The following MAPK10 variants were observed in gnomAD, a reference collection of about 807,000 sequenced individuals.
The protein encoded by MAPK10 is JNK3 alpha protein kinase.
In MAPK10, 25 loss-of-function variants were observed where a neutral mutation model predicts 59.3. The observed-to-expected ratio is 0.42, with a 90% CI of 0.31 to 0.59. MAPK10 has a LOEUF of 0.59. Among genes scored for constraint, MAPK10 ranks in the 20% least tolerant of loss-of-function variants. The pLI is 0.15. For missense variants in MAPK10, 351 were observed against 568.9 expected (o/e 0.62, Z 3.90); for synonymous variants, 190 against 200.5 (o/e 0.95, Z 0.44).
At chr4:86,101,795 T>C in intron 7 of MAPK10, 99 bp downstream of exon 7, 1 of 1,171,688 alleles carries the variant, frequency 8.5e-7, no homozygotes. Context: ...TGAGGAAGTA[T>C]ATTATATTTG....
chr4:86,251,999 C>G (rs1387535385), intron 2 of MAPK10, among the ~76,000 whole-genome samples: 1 of 116,616 alleles, frequency 8.6e-6, no homozygotes, highest in Non-Finnish European at 1.6e-5. Flanking sequence ...TGTTCATGTC[C>G]TTCACCCACT....
intron 10 of MAPK10, among the ~76,000 whole-genome samples, chr4:86,066,488 G>C (rs2046756310): frequency 6.6e-6 from 1 of 152,058 alleles, no homozygotes; most frequent in Admixed American, 6.6e-5. Flanking sequence ...GGTTAGCCGG[G>C]CGTGGTCGTG....
At chr4:86,115,389 G>C (rs1204436027) in intron 4 of MAPK10, among the ~76,000 whole-genome samples, 1 of 152,078 alleles carries the variant, frequency 6.6e-6, no homozygotes, top group Admixed American at 6.5e-5. Context: ...CCCAGTGAGA[G>C]AACCTGGATA....
At chr4:86,304,905 G>A (rs982006402) in intron 2 of MAPK10, among the ~76,000 whole-genome samples, 1 of 152,022 alleles carries the variant, frequency 6.6e-6, no homozygotes, top group South Asian at 2.1e-4. Context: ...TTTCACTCAA[G>A]GGCATATCTG....
chr4:86,474,784 A>T (rs1350495460), intron 1 of MAPK10, among the ~76,000 whole-genome samples: 1 of 152,220 alleles, frequency 6.6e-6, no homozygotes, highest in African/African-American at 2.4e-5. Context: ...CAGGCCTCTG[A>T]GCCCAAGCTA....
rs113187619 is a variant in MAPK10, at chr4:86,243,424, C to G, written c.-6-49017G>C. Among the ~76,000 whole-genome samples, 391 of 152,254 alleles carry G rather than the reference C, an allele frequency of 2.6e-3. 3 individuals carry two copies. Among genetic ancestry groups the G allele is most frequent in the African/African-American group, 8.7e-3 (363 of 41,558 alleles). ...CTTCACTGGTCAAAACCGCAAATGGCTTCAGTCTCATTCTGAGTGAAATCC... is the reference window on the plus strand; with the variant it reads ...CTTCACTGGTCAAAACCGCAAATGGGTTCAGTCTCATTCTGAGTGAAATCC... On this transcript the variant is annotated intron_variant, in intron 2 of 13. Coordinates refer to ENST00000641462, the MANE Select transcript of MAPK10 (RefSeq NM_138982.4).
At chr4:86,323,377 A>T (rs1246653489) in intron 2 of MAPK10, among the ~76,000 whole-genome samples, 1 of 152,188 alleles carries the variant, frequency 6.6e-6, no homozygotes, top group Admixed American at 6.5e-5. Context: ...CACAAATCTG[A>T]CATCAATTAG....
intron 1 of MAPK10, among the ~76,000 whole-genome samples, chr4:86,474,252 T>C (rs886800081): frequency 1.3e-5 from 2 of 152,340 alleles, no homozygotes; most frequent in South Asian, 4.1e-4. Context: ...ATTATTTTTA[T>C]GGTTAATATG....
At chr4:86,563,185 T>A (rs1211835705) in intron 1 of MAPK10, among the ~76,000 whole-genome samples, 1 of 152,216 alleles carries the variant, frequency 6.6e-6, no homozygotes, top group East Asian at 1.9e-4. Flanking sequence ...TAGGTAGAGA[T>A]AAAAGTCATG....
At chr4:86,075,876 G>A (rs931003280) in intron 9 of MAPK10, among the ~76,000 whole-genome samples, 11 of 152,216 alleles carry the variant, frequency 7.2e-5, no homozygotes, top group African/African-American at 2.4e-4. Context: ...CCAGAGGTGG[G>A]GCCTACAGTG....
intron 1 of MAPK10, among the ~76,000 whole-genome samples, chr4:86,472,631 G>A (rs753036692): frequency 3.3e-5 from 5 of 151,990 alleles, no homozygotes; most frequent in African/African-American, 4.8e-5. Flanking sequence ...GCAACAGAGT[G>A]AGAAGCAAGA....
chr4:86,304,820 T>G (rs1340198753), intron 2 of MAPK10, among the ~76,000 whole-genome samples: 1 of 152,252 alleles, frequency 6.6e-6, no homozygotes, highest in African/African-American at 2.4e-5. Context: ...TATCTCATGA[T>G]GTACTTAACA....
At chr4:86,484,877 A>G (rs1435178774) in intron 1 of MAPK10, among the ~76,000 whole-genome samples, 1 of 152,212 alleles carries the variant, frequency 6.6e-6, no homozygotes, top group Non-Finnish European at 1.5e-5. Flanking sequence ...TCTCTTGTGT[A>G]CTACAGAGAA....
intron 1 of MAPK10, among the ~76,000 whole-genome samples, chr4:86,503,985 C>T (rs929707014): frequency 3.9e-5 from 6 of 152,076 alleles, no homozygotes; most frequent in Non-Finnish European, 7.4e-5. Flanking sequence ...ACAGGGCCCT[C>T]CCTAATTCAT....
chr4:86,125,732 A>C (rs1312850618), intron 4 of MAPK10: 1 of 152,164 alleles, frequency 6.6e-6, no homozygotes, highest in Non-Finnish European at 1.5e-5. Flanking sequence ...GGCAACTTGG[A>C]TGAGCATCAG....
At chr4:86,374,762 T>C (rs1177891325) in intron 1 of MAPK10, among the ~76,000 whole-genome samples, 3 of 152,116 alleles carry the variant, frequency 2.0e-5, no homozygotes, top group Non-Finnish European at 1.5e-5. Context: ...AAATTCTGAG[T>C]TTCTTCAAAT....
chr4:86,016,158 C>A lies in MAPK10; in HGVS notation c.*1070G>T, dbSNP rs1743229844. The A allele has an allele frequency of 6.6e-6, 1 of 152,172 alleles. No homozygotes were observed. Among genetic ancestry groups the A allele is most frequent in the Non-Finnish European group, 1.5e-5 (1 of 68,046 alleles). The allele number at this position is 152,172 out of a possible 1,614,324, so 9.4% of individuals were successfully genotyped here. On this transcript the variant is annotated 3_prime_UTR_variant, in exon 14 of 14. Transcript: ENST00000641462. ...AGATTCTTATCATCAAAAGCACACACAATAACCTTGCTTCACCACCTGCCA... is the reference window on the plus strand; with the variant it reads ...AGATTCTTATCATCAAAAGCACACAAAATAACCTTGCTTCACCACCTGCCA...
At chr4:86,474,811 G>T (rs1752938476) in intron 1 of MAPK10, among the ~76,000 whole-genome samples, 2 of 152,158 alleles carry the variant, frequency 1.3e-5, no homozygotes, top group Non-Finnish European at 2.9e-5. Context: ...CATATCCCCT[G>T]TGACCTGCAC....
intron 1 of MAPK10, among the ~76,000 whole-genome samples, chr4:86,540,493 C>G (rs1227844028): frequency 6.6e-6 from 1 of 152,028 alleles, no homozygotes; most frequent in Non-Finnish European, 1.5e-5. Flanking sequence ...GAGTGAGACC[C>G]TGTCTCAAAC....
Sources: allele counts gnomAD v4.1 joint callset (sites outside exome capture counted in the v4.1 genomes callset), GRCh38; gene constraint gnomAD v4.1.1; transcripts MANE v1.5; gene names NCBI Gene and HGNC (gene_info 2026-07-23, HGNC 2026-07-21).